The following NRIP1 variants were observed in gnomAD, a reference collection of about 807,000 sequenced individuals.
NRIP1 encodes nuclear receptor interacting protein 1, also known as nuclear receptor-interacting protein 1.
A neutral mutation model predicts 75.0 loss-of-function variants in NRIP1; 28 were observed. The observed-to-expected ratio is 0.37, with a 90% CI of 0.28 to 0.51. The LOEUF (loss-of-function observed/expected upper bound fraction) is 0.51. Ranked by LOEUF, NRIP1 falls within the 20% of genes least tolerant of loss-of-function variation. The pLI, the probability that NRIP1 is intolerant of heterozygous loss-of-function variation, is 0.92. For missense variants in NRIP1, 1,435 were observed against 1,343.7 expected (o/e 1.07, Z -1.06); for synonymous variants, 526 against 487.6 (o/e 1.08, Z -1.04).
intron 1 of NRIP1, among the ~76,000 whole-genome samples, chr21:15,061,350 G>T (rs1263438606): frequency 6.6e-6 from 1 of 152,078 alleles, no homozygotes; most frequent in Non-Finnish European, 1.5e-5. Flanking sequence ...GGGCAGAAGG[G>T]AAAAGTACAA....
intron 2 of NRIP1, among the ~76,000 whole-genome samples, chr21:15,028,954 T>A (rs138058445): frequency 0.025 from 3,858 of 152,142 alleles, 65 homozygotes; most frequent in Middle Eastern, 0.041. Context: ...TAATCTCAGA[T>A]CAGCTCCATT....
intron 3 of NRIP1, among the ~76,000 whole-genome samples, chr21:14,976,069 C>G (rs2087057539): frequency 2.6e-5 from 4 of 152,008 alleles, no homozygotes; most frequent in Admixed American, 2.6e-4. Flanking sequence ...GTCCAAAGAA[C>G]CCTGATAGTA....
intron 1 of NRIP1, among the ~76,000 whole-genome samples, chr21:15,047,952 C>T (rs1317676344): frequency 6.6e-6 from 1 of 152,128 alleles, no homozygotes; most frequent in Non-Finnish European, 1.5e-5. Flanking sequence ...CATTTAAATA[C>T]TTAGCCATTA....
intron 1 of NRIP1, among the ~76,000 whole-genome samples, chr21:15,060,884 C>A (rs2089409626): frequency 1.3e-5 from 2 of 152,178 alleles, no homozygotes; most frequent in African/African-American, 4.8e-5. Context: ...ATTCCAACCT[C>A]TCGACATAAT....
At position 14,996,869 on chromosome 21, in the gene NRIP1, C is replaced by T. The variant is rs568303669; in HGVS notation, c.-335+17475G>A. The stretch of plus-strand genomic sequence containing the variant: ...ATATATAATTATTTAAATTATAAAC[C>T]AAATAAAGATGCTTACATGATATAA... On this transcript the variant is annotated intron_variant, in intron 3 of 3. Transcript: ENST00000318948. Among the ~76,000 whole-genome samples, 10 of 151,476 alleles carry T rather than the reference C, an allele frequency of 6.6e-5. No individual in the cohort carries two copies. The South Asian group carries it at 2.1e-3, about 32-fold the overall frequency.
At chr21:14,971,298 C>T (rs2086896734) in intron 3 of NRIP1, among the ~76,000 whole-genome samples, 2 of 152,156 alleles carry the variant, frequency 1.3e-5, no homozygotes, top group South Asian at 4.1e-4. Flanking sequence ...ATTTGACATT[C>T]AAACACACAC....
chr21:15,064,082 A>T (rs1417385868), intron 1 of NRIP1, among the ~76,000 whole-genome samples: 2 of 152,236 alleles, frequency 1.3e-5, no homozygotes, highest in African/African-American at 2.4e-5. Context: ...GTGGACACAG[A>T]AGAAGGGAGA....
intron 2 of NRIP1, among the ~76,000 whole-genome samples, chr21:15,020,325 T>A (rs1221159302): frequency 6.6e-6 from 1 of 152,162 alleles, no homozygotes; most frequent in Non-Finnish European, 1.5e-5. Context: ...TTTCGACAAA[T>A]ATGCCACTGC....
intron 2 of NRIP1, among the ~76,000 whole-genome samples, chr21:15,016,566 G>A (rs746962565): frequency 3.3e-5 from 5 of 151,808 alleles, no homozygotes; most frequent in African/African-American, 4.8e-5. Context: ...TTTAAAGTTG[G>A]AACAAGAAAG....
intron 1 of NRIP1, among the ~76,000 whole-genome samples, chr21:15,064,370 G>A (rs1481658179): frequency 6.6e-6 from 1 of 152,232 alleles, no homozygotes; most frequent in Non-Finnish European, 1.5e-5. Context: ...GGAGAGCGGC[G>A]AGGCGAGCGG....
intron 3 of NRIP1, among the ~76,000 whole-genome samples, chr21:14,988,729 G>A (rs2087482024): frequency 6.6e-6 from 1 of 151,998 alleles, no homozygotes; most frequent in Non-Finnish European, 1.5e-5. Flanking sequence ...CAGACCTCAG[G>A]AGAATGGAAC....
At chr21:15,028,821 T>A (rs986397811) in intron 2 of NRIP1, among the ~76,000 whole-genome samples, 2 of 152,196 alleles carry the variant, frequency 1.3e-5, no homozygotes, top group Non-Finnish European at 2.9e-5. Flanking sequence ...AATATCGTTC[T>A]TTTAAAAAAT....
chr21:15,047,894 C>A (rs902659008), intron 1 of NRIP1, among the ~76,000 whole-genome samples: 1 of 152,336 alleles, frequency 6.6e-6, no homozygotes, highest in South Asian at 2.1e-4. Context: ...CTGAGCTTAA[C>A]CTTTTCTAGC....
chr21:15,049,752 A>C (rs771987964), intron 1 of NRIP1, among the ~76,000 whole-genome samples: 1 of 152,206 alleles, frequency 6.6e-6, no homozygotes, highest in East Asian at 1.9e-4. Context: ...TGCAACTTAC[A>C]AATGATTTAA....
At chr21:15,026,689 TAACA>T (rs1041093339) in intron 2 of NRIP1, among the ~76,000 whole-genome samples, 9 of 151,372 alleles carry the variant, frequency 5.9e-5, no homozygotes, top group East Asian at 1.9e-4. Flanking sequence ...AACAAAACAA[TAACA>T]AACAAACGAA....
At chr21:14,987,543 G>A (rs1424818761) in intron 3 of NRIP1, among the ~76,000 whole-genome samples, 2 of 152,166 alleles carry the variant, frequency 1.3e-5, no homozygotes, top group African/African-American at 4.8e-5. Flanking sequence ...TTAGCAAAGG[G>A]CAATCAAAGG....
intron 1 of NRIP1, among the ~76,000 whole-genome samples, chr21:15,045,426 T>C (rs1234440668): frequency 6.6e-6 from 1 of 152,242 alleles, no homozygotes; most frequent in Non-Finnish European, 1.5e-5. Flanking sequence ...CTATTAAGTG[T>C]GCAAAAGCTT....
chr21:14,978,867 A>G (rs2087153020), intron 3 of NRIP1, among the ~76,000 whole-genome samples: 1 of 152,250 alleles, frequency 6.6e-6, no homozygotes, highest in African/African-American at 2.4e-5. Context: ...AGCTAGAGAA[A>G]GAGCTAAACT....
At position 14,961,906 on chromosome 21, in the gene NRIP1, GAAC is replaced by G. The variant is rs1157533214; in HGVS notation, c.*2807_*2809del. 1 of 151,074 alleles carries G rather than the reference GAAC, an allele frequency of 6.6e-6. No homozygotes were observed. The highest frequency in any genetic ancestry group is 6.6e-5 in the Admixed American group (1 of 15,062). The allele number at this position is 151,074 out of a possible 1,614,324, so 9.4% of individuals were successfully genotyped here. A position where few individuals can be genotyped will look rare whatever the true frequency, so the allele number is the denominator to read the frequency against. ...ATTAAAAGGCTTTTCTGTTGCATTA[GAAC>G]AATACAAAATATGTATTTTTCATTA... On this transcript the variant is annotated 3_prime_UTR_variant, in exon 4 of 4. Transcript: ENST00000318948.
Sources: allele counts gnomAD v4.1 joint callset (sites outside exome capture counted in the v4.1 genomes callset), GRCh38; gene constraint gnomAD v4.1.1; transcripts MANE v1.5; gene names NCBI Gene and HGNC (gene_info 2026-07-23, HGNC 2026-07-21).